The following PRDM6 variants were observed in gnomAD, a reference collection of about 807,000 sequenced individuals.
PRDM6 encodes the protein PR/SET domain 6.
A neutral mutation model predicts 60.8 loss-of-function variants in PRDM6; 25 were observed. That is an observed-to-expected ratio of 0.41 (90% CI 0.30 to 0.57). The LOEUF is 0.57. PRDM6 is among the 20% of genes least tolerant of loss of function. The pLI, the probability that PRDM6 is intolerant of heterozygous loss-of-function variation, is 0.27. For synonymous variants in PRDM6, 407 were observed against 357.4 expected (o/e 1.14, Z -1.57); for missense variants, 839 against 821.3 (o/e 1.02, Z -0.26).
intron 3 of PRDM6, among the ~76,000 whole-genome samples, chr5:123,136,391 C>A (rs957777597): frequency 6.6e-6 from 1 of 152,004 alleles, no homozygotes; most frequent in African/African-American, 2.4e-5. Context: ...GGACGTTATT[C>A]ACCGAACAGA....
intron 6 of PRDM6, 81 bp from the exon 7 acceptor site, chr5:123,180,066 T>C (rs1766111667): frequency 1.5e-6 from 2 of 1,313,170 alleles, no homozygotes; most frequent in Non-Finnish European, 2.1e-6. Flanking sequence ...ACCAATAAGT[T>C]TTGGCCCCTT....
At chr5:123,150,548 C>T (rs548929737) in intron 3 of PRDM6, among the ~76,000 whole-genome samples, 2 of 152,190 alleles carry the variant, frequency 1.3e-5, no homozygotes, top group Non-Finnish European at 2.9e-5. Context: ...TACTGGGCCT[C>T]TACCTCCTGA....
rs1438676109 is a variant in PRDM6, at chr5:123,098,425, G to A, written c.593-1229G>A. 4.6e-5 allele frequency among the ~76,000 whole-genome samples: 7 copies of A among 152,354 alleles called. No homozygotes were observed. The East Asian group carries it at 1.4e-3, about 29-fold the overall frequency. ...GCCACCTTCTCGGGGCAGGCCATCC[G>A]CGCTGAGGCGCAGACACGGCGGCTC... On this transcript the variant is annotated intron_variant, in intron 2 of 7. Coordinates refer to ENST00000407847, the MANE Select transcript of PRDM6 (RefSeq NM_001136239.4).
chr5:123,158,426 T>G (rs2126874566), intron 4 of PRDM6, among the ~76,000 whole-genome samples: 1 of 152,324 alleles, frequency 6.6e-6, no homozygotes, highest in Non-Finnish European at 1.5e-5. Flanking sequence ...ATTCATAGAA[T>G]GTTGGGAAAA....
At chr5:123,098,587 C>G (rs1009849183) in intron 2 of PRDM6, among the ~76,000 whole-genome samples, 3 of 152,208 alleles carry the variant, frequency 2.0e-5, no homozygotes, top group African/African-American at 7.2e-5. Context: ...CCGCCCGGCC[C>G]GGAGGGTGGG....
intron 4 of PRDM6, among the ~76,000 whole-genome samples, chr5:123,158,829 A>T (rs1330625229): frequency 6.6e-6 from 1 of 151,866 alleles, no homozygotes; most frequent in Admixed American, 6.6e-5. Flanking sequence ...CATTTTTTTA[A>T]TCTGTAGGTT....
At chr5:123,127,306 G>A (rs1328083110) in intron 3 of PRDM6, among the ~76,000 whole-genome samples, 1 of 152,080 alleles carries the variant, frequency 6.6e-6, no homozygotes, top group Non-Finnish European at 1.5e-5. Flanking sequence ...CCAAAGTGCT[G>A]GGATTACAGG....
chr5:123,191,134 G>A lies in PRDM6; in HGVS notation c.*3933G>A, dbSNP rs965272940. ...TGATAAGGCAACAAGTTGGGTACAAGGCTGGAGTTGCTCAGGGAAGGAGAT... is the reference window on the plus strand; with the variant it reads ...TGATAAGGCAACAAGTTGGGTACAAAGCTGGAGTTGCTCAGGGAAGGAGAT... On this transcript the variant is annotated 3_prime_UTR_variant, in exon 8 of 8. Transcript: ENST00000407847. The A allele has an allele frequency of 2.6e-5, 4 of 152,350 alleles. No homozygotes were observed. In the East Asian group the frequency reaches 7.7e-4, roughly 29 times the overall value. The allele number at this position is 152,350 out of a possible 1,614,324, so 9.4% of individuals were successfully genotyped here.
At chr5:123,135,842 T>G (rs1334082785) in intron 3 of PRDM6, among the ~76,000 whole-genome samples, 1 of 152,228 alleles carries the variant, frequency 6.6e-6, no homozygotes, top group African/African-American at 2.4e-5. Context: ...ACACAAATAT[T>G]AAAATAATCA....
chr5:123,122,590 T>A (rs932650235), intron 3 of PRDM6, among the ~76,000 whole-genome samples: 1 of 152,180 alleles, frequency 6.6e-6, no homozygotes, highest in African/African-American at 2.4e-5. Context: ...AATCCCTCAA[T>A]GTGTTTGCAT....
intron 5 of PRDM6, among the ~76,000 whole-genome samples, chr5:123,160,788 G>C (rs542145419): frequency 1.1e-4 from 16 of 152,234 alleles, no homozygotes; most frequent in Non-Finnish European, 2.4e-4. Context: ...TGCACATACA[G>C]TACATTCCTC....
chr5:123,150,229 A>G (rs1765343507), intron 3 of PRDM6, among the ~76,000 whole-genome samples: 1 of 152,114 alleles, frequency 6.6e-6, no homozygotes, highest in African/African-American at 2.4e-5. Flanking sequence ...CAGTTTCCTT[A>G]AGAGGTTAAA....
chr5:123,114,859 C>T (rs956460791), intron 3 of PRDM6, among the ~76,000 whole-genome samples: 1 of 152,180 alleles, frequency 6.6e-6, no homozygotes, highest in Non-Finnish European at 1.5e-5. Context: ...GCAGTAGTAG[C>T]ATGAGCTGAC....
At chr5:123,186,795 T>C (rs1437282511) in intron 7 of PRDM6, among the ~76,000 whole-genome samples, 2 of 152,240 alleles carry the variant, frequency 1.3e-5, no homozygotes, top group African/African-American at 4.8e-5. Context: ...TAAAAATCTC[T>C]TTTTGTTCTT....
chr5:123,107,469 A>G (rs542580098), intron 3 of PRDM6, among the ~76,000 whole-genome samples: 130 of 152,352 alleles, frequency 8.5e-4, no homozygotes, highest in African/African-American at 3.1e-3. Context: ...CACAAACCAC[A>G]GAGTTGCTTT....
chr5:123,154,090 C>T (rs1765438209), intron 3 of PRDM6, among the ~76,000 whole-genome samples: 1 of 151,386 alleles, frequency 6.6e-6, no homozygotes, highest in Non-Finnish European at 1.5e-5. Flanking sequence ...AACTCTGAGG[C>T]TGTCAACAAC....
intron 2 of PRDM6, among the ~76,000 whole-genome samples, chr5:123,097,264 T>G (rs1399649388): frequency 1.3e-5 from 2 of 152,232 alleles, no homozygotes; most frequent in African/African-American, 2.4e-5. Context: ...GAGAAACCTC[T>G]ATAACTCAAT....
Position 123,192,093 on chromosome 5 carries a change from C to A in PRDM6, c.*4892C>A, listed in dbSNP as rs896693089. On this transcript the variant is annotated 3_prime_UTR_variant, in exon 8 of 8. Transcript: ENST00000407847. The stretch of plus-strand genomic sequence containing the variant: ...TATGCCACCACTGCACTTAGAAAAC[C>A]TATGGAGGAAATTTTAATGGAAAAA... 1.3e-5 allele frequency: 2 copies of A among 152,130 alleles called. No homozygotes were observed. Among genetic ancestry groups the A allele is most frequent in the African/African-American group, 4.8e-5 (2 of 41,426 alleles). The allele number at this position is 152,130 out of a possible 1,614,324, so 9.4% of individuals were successfully genotyped here.
At chr5:123,170,448 C>T (rs550243388) in intron 5 of PRDM6, among the ~76,000 whole-genome samples, 23 of 152,206 alleles carry the variant, frequency 1.5e-4, no homozygotes, top group Non-Finnish European at 3.1e-4. Flanking sequence ...CCCATCTAAA[C>T]TCCCTCCAGG....
Sources: gnomAD v4.1 joint callset for allele counts (sites outside exome capture counted in the v4.1 genomes callset) on GRCh38, gnomAD v4.1.1 for gene constraint, MANE v1.5 for transcripts, NCBI Gene and HGNC (gene_info 2026-07-23, HGNC 2026-07-21) for gene names.